AHCTF1: variants seen among roughly 807,000 people sequenced by gnomAD.
AHCTF1 encodes the protein protein ELYS.
AHCTF1 carries 24 observed loss-of-function variants against 248.4 expected under a neutral mutation model. The ratio of observed to expected loss-of-function variants is 0.10; its 90% CI spans 0.07 to 0.14. AHCTF1 has a LOEUF of 0.14. Among genes scored for constraint, AHCTF1 ranks in the 10% least tolerant of loss-of-function variants. The pLI is 1.00. For missense variants in AHCTF1, 2,206 were observed against 2,636.2 expected (o/e 0.84, Z 3.57); for synonymous variants, 786 against 929.8 (o/e 0.85, Z 2.81).
At chr1:246,881,152 T>C (rs1663374871) in intron 21 of AHCTF1, among the ~76,000 whole-genome samples, 1 of 152,172 alleles carries the variant, frequency 6.6e-6, no homozygotes, top group South Asian at 2.1e-4. Context: ...TGGGGAAATA[T>C]ACATACAGAA....
At chr1:246,855,895 T>TA (rs1661080849) in intron 30 of AHCTF1, 68 bp from the exon 31 acceptor site, 7 of 1,145,824 alleles carry the variant, frequency 6.1e-6, no homozygotes, top group Non-Finnish European at 8.9e-6. Flanking sequence ...GCTTTAGTCC[T>TA]ACCACCTAAC....
chr1:246,904,161 T>C (rs914123152), intron 6 of AHCTF1, 128 bp from the exon 7 acceptor site: 4 of 695,314 alleles, frequency 5.8e-6, no homozygotes, highest in Middle Eastern at 3.5e-4. Context: ...TGTGAAAAAT[T>C]TAGTTTTCGG....
intron 13 of AHCTF1, 71 bp downstream of exon 13, chr1:246,895,764 A>C: frequency 7.7e-7 from 1 of 1,306,314 alleles, no homozygotes; most frequent in South Asian, 1.3e-5. Flanking sequence ...ATAACTAAGA[A>C]AAAAATATAA....
rs928710794 is a variant in AHCTF1, at chr1:246,918,650, A to G, written c.-7-273T>C. On this transcript the variant is annotated intron_variant, in intron 1 of 35. Coordinates refer to ENST00000648844, the MANE Select transcript of AHCTF1 (RefSeq NM_001323342.2). Reference sequence around the variant, plus strand: ...GCCACTTCACTCCAGCATGGGCGACAGAGCAAAATCCAGTCTTAAAAACAA... The same window carrying G: ...GCCACTTCACTCCAGCATGGGCGACGGAGCAAAATCCAGTCTTAAAAACAA... Among the ~76,000 whole-genome samples, 3 of 152,260 alleles carry G rather than the reference A, an allele frequency of 2.0e-5. 1 individual carries two copies. Among genetic ancestry groups the G allele is most frequent in the African/African-American group, 7.2e-5 (3 of 41,466 alleles).
chr1:246,913,639 T>C (rs1665955368), intron 3 of AHCTF1, among the ~76,000 whole-genome samples: 1 of 152,216 alleles, frequency 6.6e-6, no homozygotes, highest in Admixed American at 6.5e-5. Context: ...CAATTGATGT[T>C]GACTGAGAGC....
At chr1:246,849,484 TA>T in intron 33 of AHCTF1, 130 bp downstream of exon 33, 2 of 1,168,204 alleles carry the variant, frequency 1.7e-6, no homozygotes, top group Non-Finnish European at 2.4e-6. Flanking sequence ...ACTTTACTAC[TA>T]AAAGATCAAT....
chr1:246,891,128 T>C (rs1572423090), intron 15 of AHCTF1, 68 bp from the exon 16 acceptor site: 14 of 920,912 alleles, frequency 1.5e-5, no homozygotes, highest in Non-Finnish European at 2.3e-5. Flanking sequence ...GTTTTCAAAA[T>C]TAATCACTTG....
At chr1:246,895,602 G>C (rs184991582) in intron 13 of AHCTF1, among the ~76,000 whole-genome samples, 1 of 152,106 alleles carries the variant, frequency 6.6e-6, no homozygotes, top group Non-Finnish European at 1.5e-5. Flanking sequence ...GGTAGGTATG[G>C]CTGTAACGGC....
At chr1:246,902,386 C>G in intron 8 of AHCTF1, 139 bp downstream of exon 8, 1 of 1,002,790 alleles carries the variant, frequency 1.0e-6, no homozygotes, top group Admixed American at 2.5e-5. Context: ...TATCTAGTAT[C>G]TCATATAGAA....
intron 24 of AHCTF1, among the ~76,000 whole-genome samples, chr1:246,869,257 C>G (rs897389955): frequency 1.3e-5 from 2 of 152,082 alleles, no homozygotes; most frequent in South Asian, 2.1e-4. Flanking sequence ...ACTGTTCCCC[C>G]GCGTCTCTCC....
intron 21 of AHCTF1, among the ~76,000 whole-genome samples, chr1:246,883,854 T>C (rs1663627181): frequency 6.6e-6 from 1 of 152,184 alleles, no homozygotes; most frequent in African/African-American, 2.4e-5. Context: ...TAGTGTTTGT[T>C]TACTATATGG....
chr1:246,931,429 T>C lies in AHCTF1; in HGVS notation c.-8+149A>G, dbSNP rs1208753119. On this transcript the variant is annotated intron_variant, in intron 1 of 35. Coordinates refer to ENST00000648844, the MANE Select transcript of AHCTF1 (RefSeq NM_001323342.2). ...CGCTCGCCCCCTCGAGCCCCATCCG[T>C]TGGCCCCGCGCACGCCCGGCCTAGG... 3.5e-6 allele frequency: 5 copies of C among 1,415,090 alleles called. No homozygotes were observed. In the African/African-American group the frequency reaches 7.6e-5, roughly 21 times the overall value. 87.7% of individuals were successfully genotyped at this position (1,415,090 alleles called of 1,614,324 possible). A position where few individuals can be genotyped will look rare whatever the true frequency, so the allele number is the denominator to read the frequency against.
chr1:246,847,306 C>CAAA (rs58227848), intron 33 of AHCTF1, among the ~76,000 whole-genome samples: 10 of 146,852 alleles, frequency 6.8e-5, no homozygotes, highest in African/African-American at 2.3e-4. Context: ...AAAAAACAAA[C>CAAA]AAAAAAAAAA....
At chr1:246,921,529 A>G (rs1330686654) in intron 1 of AHCTF1, among the ~76,000 whole-genome samples, 1 of 152,214 alleles carries the variant, frequency 6.6e-6, no homozygotes, top group East Asian at 1.9e-4. Context: ...GTTTTAAATT[A>G]TAGATAAGGA....
At chr1:246,895,781 G>A (rs1572430092) in intron 13 of AHCTF1, 54 bp downstream of exon 13, 2 of 1,364,942 alleles carry the variant, frequency 1.5e-6, no homozygotes, top group Non-Finnish European at 1.0e-6. Context: ...ATAACAAATA[G>A]CAAGTTGATA....
chr1:246,885,821 C>A (rs766292499), intron 20 of AHCTF1, 141 bp from the exon 21 acceptor site: 2 of 776,476 alleles, frequency 2.6e-6, no homozygotes, highest in South Asian at 2.1e-5. Context: ...TTAATCTGTG[C>A]TATATAGAGT....
At chr1:246,867,197 CTA>C in intron 26 of AHCTF1, 45 bp downstream of exon 26, 1 of 967,760 alleles carries the variant, frequency 1.0e-6, no homozygotes, top group Non-Finnish European at 1.5e-6. Context: ...ACAATTGTAA[CTA>C]TCATCTAACA....
chr1:246,895,174 C>T (rs1256472566), intron 13 of AHCTF1, among the ~76,000 whole-genome samples: 7 of 152,146 alleles, frequency 4.6e-5, no homozygotes, highest in Non-Finnish European at 4.4e-5. Context: ...TCTCTCTACC[C>T]TCTAAATTGA....
At chr1:246,889,592 C>A (rs1379774319) in intron 17 of AHCTF1, among the ~76,000 whole-genome samples, 1 of 151,974 alleles carries the variant, frequency 6.6e-6, no homozygotes, top group Non-Finnish European at 1.5e-5. Flanking sequence ...TTACAGCCGG[C>A]ACAGATTTTA....
Sources: allele counts gnomAD v4.1 joint callset (sites outside exome capture counted in the v4.1 genomes callset), GRCh38; gene constraint gnomAD v4.1.1; transcripts MANE v1.5; gene names NCBI Gene and HGNC (gene_info 2026-07-23, HGNC 2026-07-21).